Variants in PCDHGB4 observed in about 807,000 individuals in gnomAD.
The protein encoded by PCDHGB4 is protocadherin gamma subfamily B, 4, also known as protocadherin gamma-B4.
In PCDHGB4, 38 loss-of-function variants were observed where a neutral mutation model predicts 60.5. The observed-to-expected ratio is 0.63, with a 90% confidence interval of 0.48 to 0.82. PCDHGB4 has a LOEUF of 0.82. Ranked by LOEUF, PCDHGB4 falls within the 40% of genes least tolerant of loss-of-function variation. PCDHGB4 has a pLI of 0.00. For missense variants in PCDHGB4, 1,109 were observed against 1,209.6 expected, an observed-to-expected ratio of 0.92 and a Z score of 1.23; for synonymous variants, 456 against 509.7, an observed-to-expected ratio of 0.89 and a Z score of 1.42.
Position 141,476,380 on chromosome 5 carries a change from G to C in PCDHGB4, c.2398-18427G>C. 1 of 1,614,154 alleles carries C rather than the reference G, an allele frequency of 6.2e-7. No homozygotes were observed. The highest frequency in any genetic ancestry group is 8.5e-7 in the Non-Finnish European group (1 of 1,180,042). On this transcript the variant is annotated intron_variant, in intron 1 of 3. Coordinates refer to ENST00000519479, the MANE Select transcript of PCDHGB4 (RefSeq NM_003736.4). The surrounding 1 kb of genome is among the most constrained non-coding windows in gnomAD (Gnocchi z 7.6). ...ACCGGGAGACCGGAGAGATGTTTGT[G>C]AACGACCGTCTGGATCGAGAGGAGC... is the stretch of plus-strand genomic sequence containing the variant.
chr5:141,414,271 C>T (rs1561747971), intron 1 of PCDHGB4: 3 of 1,613,292 alleles, frequency 1.9e-6, no homozygotes, highest in East Asian at 2.2e-5. Context: ...AGATTCACCT[C>T]TGGGAACAGT....
intron 1 of PCDHGB4, chr5:141,404,933 A>C (rs2094586796): frequency 6.2e-7 from 1 of 1,613,764 alleles, no homozygotes; most frequent in Non-Finnish European, 8.5e-7. Flanking sequence ...TGTCACGCTC[A>C]CAGTAGCCAT....
intron 3 of PCDHGB4, chr5:141,507,418 A>T (rs2099860509): frequency 6.6e-6 from 1 of 152,204 alleles, no homozygotes; most frequent in Non-Finnish European, 1.5e-5. Context: ...CTGTGAGGTT[A>T]AGTGGGGCCA....
chr5:141,434,964 T>C (rs2154556462), intron 1 of PCDHGB4, among the ~76,000 whole-genome samples: 1 of 152,004 alleles, frequency 6.6e-6, no homozygotes, highest in East Asian at 1.9e-4. Context: ...ATTTATAAAA[T>C]TACTTTGTTA....
At chr5:141,419,316 G>T in intron 1 of PCDHGB4, 2 of 1,613,994 alleles carry the variant, frequency 1.2e-6, no homozygotes, top group Non-Finnish European at 1.7e-6. Context: ...CTCAACGGCC[G>T]TGTCTCCTAC....
intron 1 of PCDHGB4, chr5:141,400,558 C>T: frequency 1.2e-6 from 2 of 1,613,290 alleles, no homozygotes; most frequent in Non-Finnish European, 1.7e-6. Flanking sequence ...TTTTTCATTA[C>T]CCACCCAATT....
chr5:141,478,418 C>A, intron 1 of PCDHGB4: 1 of 1,613,650 alleles, frequency 6.2e-7, no homozygotes, highest in Non-Finnish European at 8.5e-7. Context: ...GGACTCCCGC[C>A]GCAGCGACCC....
At position 141,393,057 on chromosome 5, in the gene PCDHGB4, G is replaced by C. The variant is rs1273747847; in HGVS notation, c.2397+2776G>C. 9 of 1,613,514 alleles carry C rather than the reference G, an allele frequency of 5.6e-6. No homozygotes were observed. The highest frequency in any genetic ancestry group is 2.2e-5 in the South Asian group (2 of 91,064). ...GCTCTTTGCTCTGAACCCGCGCAGC[G>C]GCAGCTTGATCACCGCGGGCAGGAT... On this transcript the variant is annotated intron_variant, in intron 1 of 3. Coordinates refer to ENST00000519479, the MANE Select transcript of PCDHGB4 (RefSeq NM_003736.4).
At position 141,432,724 on chromosome 5, in the gene PCDHGB4, C is replaced by T. The variant is rs752394602; in HGVS notation, c.2397+42443C>T. ...AGGACCACGGCCAGCCCCCTCTCTCCGCCACTGTCACGCTCACCGTGGCCG... is the reference window on the plus strand; with the variant it reads ...AGGACCACGGCCAGCCCCCTCTCTCTGCCACTGTCACGCTCACCGTGGCCG... On this transcript the variant is annotated intron_variant, in intron 1 of 3. Coordinates refer to ENST00000519479, the MANE Select transcript of PCDHGB4 (RefSeq NM_003736.4). The surrounding 1 kb of genome is among the most constrained non-coding windows in gnomAD (Gnocchi z 6.0). The T allele has an allele frequency of 8.1e-6, 13 of 1,614,066 alleles. No individual in the cohort carries two copies. Among genetic ancestry groups the T allele is most frequent in the Middle Eastern group, 1.6e-4 (1 of 6,062 alleles).
At chr5:141,395,131 C>T in intron 1 of PCDHGB4, 1 of 1,614,202 alleles carries the variant, frequency 6.2e-7, no homozygotes, top group Non-Finnish European at 8.5e-7. Flanking sequence ...TTTCCCCAGC[C>T]CAACTACGCA....
chr5:141,447,864 T>A (rs2098553913), intron 1 of PCDHGB4, among the ~76,000 whole-genome samples: 1 of 152,098 alleles, frequency 6.6e-6, no homozygotes, highest in Non-Finnish European at 1.5e-5. Context: ...GGTGGGTGAA[T>A]CATCTGAGGT....
chr5:141,416,449 G>A (rs938389094), intron 1 of PCDHGB4: 1 of 152,138 alleles, frequency 6.6e-6, no homozygotes, highest in Non-Finnish European at 1.5e-5. Context: ...AATATGGGTT[G>A]GGAAGACAGA....
intron 1 of PCDHGB4, chr5:141,478,378 G>A (rs1454112813): frequency 6.2e-7 from 1 of 1,613,558 alleles, no homozygotes; most frequent in Admixed American, 1.7e-5. Context: ...TGATGTCGCC[G>A]CACCTTTACC....
intron 1 of PCDHGB4, among the ~76,000 whole-genome samples, chr5:141,458,227 G>T (rs2154566190): frequency 6.6e-6 from 1 of 152,284 alleles, no homozygotes; most frequent in South Asian, 2.1e-4. Context: ...TCCTTTCCCA[G>T]TCCATGCACC....
chr5:141,510,323 C>A (rs1173679711), intron 3 of PCDHGB4, among the ~76,000 whole-genome samples: 1 of 151,234 alleles, frequency 6.6e-6, no homozygotes, highest in East Asian at 2.0e-4. Flanking sequence ...TGGAAGAGCA[C>A]TCTTCACCCC....
At chr5:141,450,982 A>G (rs746572732) in intron 1 of PCDHGB4, among the ~76,000 whole-genome samples, 18 of 151,360 alleles carry the variant, frequency 1.2e-4, no homozygotes, top group Non-Finnish European at 1.9e-4. Context: ...GTGCCACCAC[A>G]CCCGGCTAAT....
intron 2 of PCDHGB4, among the ~76,000 whole-genome samples, chr5:141,501,200 G>A (rs888856586): frequency 1.3e-5 from 2 of 151,854 alleles, no homozygotes; most frequent in African/African-American, 4.8e-5. Context: ...AATTCAGGGT[G>A]TTGTCAGGGT....
chr5:141,477,749 C>A lies in PCDHGB4; in HGVS notation c.2398-17058C>A, dbSNP rs2099417192. The A allele has an allele frequency of 6.2e-7, 1 of 1,613,786 alleles. No homozygotes were observed. Among genetic ancestry groups the A allele is most frequent in the African/African-American group, 1.3e-5 (1 of 74,928 alleles). ...AGCTCATATCAGCGATGGGGGCACCCCGGTCCTAGCCACCAACATCAGCGT... is the reference window on the plus strand; with the variant it reads ...AGCTCATATCAGCGATGGGGGCACCACGGTCCTAGCCACCAACATCAGCGT... On this transcript the variant is annotated intron_variant, in intron 1 of 3. Coordinates refer to ENST00000519479, the MANE Select transcript of PCDHGB4 (RefSeq NM_003736.4). This position sits in a 1 kb window ranked among gnomAD's most constrained non-coding sequence, Gnocchi z 4.9.
intron 1 of PCDHGB4, chr5:141,398,587 C>G: frequency 6.2e-7 from 1 of 1,613,860 alleles, no homozygotes; most frequent in Non-Finnish European, 8.5e-7. Context: ...AAGATTTATA[C>G]TAGAAGTAGC....
Sources: allele counts gnomAD v4.1 joint callset (sites outside exome capture counted in the v4.1 genomes callset), GRCh38; gene constraint gnomAD v4.1.1; non-coding constraint Gnocchi (gnomAD v3.1); transcripts MANE v1.5; gene names NCBI Gene and HGNC (gene_info 2026-07-23, HGNC 2026-07-21).